The following HOXD9 variants were observed in gnomAD, a reference collection of about 807,000 sequenced individuals.
HOXD9 encodes the protein homeobox protein Hox-D9.
In HOXD9, 21 loss-of-function variants were observed where a neutral mutation model predicts 24.6. The ratio of observed to expected loss-of-function variants is 0.85; its 90% CI spans 0.61 to 1.23. HOXD9 has a LOEUF of 1.23. Ranked by LOEUF, HOXD9 falls within the 50% of genes most tolerant of loss-of-function variation. The pLI, the probability that HOXD9 is intolerant of heterozygous loss-of-function variation, is 0.00. For synonymous variants in HOXD9, 240 were observed against 226.4 expected (o/e 1.06, Z -0.54); for missense variants, 503 against 503.6 (o/e 1.00, Z 0.01).
chr2:176,124,179 G>A lies in HOXD9; in HGVS notation c.*4G>A, dbSNP rs375399643. On this transcript the variant is annotated 3_prime_UTR_variant, in exon 2 of 2. Transcript: ENST00000249499. ...GAAATGCCCCAAAGGAGACTGACCC[G>A]GCGCGGTGCTGGCGGGAGCGCTCAA... 2 of 1,601,784 alleles carry A rather than the reference G, an allele frequency of 1.2e-6. No individual in the cohort carries two copies. Among genetic ancestry groups the A allele is most frequent in the South Asian group, 2.2e-5 (2 of 90,282 alleles).
chr2:176,123,029 G>C lies in HOXD9; in HGVS notation c.261G>C (p.Pro87=), dbSNP rs749456717. Residue 87 remains proline, a synonymous_variant, in exon 1 of 2, where the codon CCG becomes CCC. Transcript: ENST00000249499. The surrounding 1 kb of genome is among the most constrained non-coding windows in gnomAD (Gnocchi z 4.2). ...ASWSAVPSQP[P]AAAAMSGLYH... ...GGTCCGCGGTGCCCTCCCAGCCCCC[G>C]GCAGCGGCGGCGATGAGCGGCCTCT... The C allele has an allele frequency of 5.7e-6, 9 of 1,586,786 alleles. No homozygotes were observed. The highest frequency in any genetic ancestry group is 7.7e-6 in the Non-Finnish European group (9 of 1,169,544).
In HOXD9 at chr2:176,123,011, G is replaced by C. The variant is rs946466099; in HGVS notation, c.243G>C (p.Ala81=). 6.3e-7 allele frequency: 1 copy of C among 1,591,796 alleles called. No individual in the cohort carries two copies. Among genetic ancestry groups the C allele is most frequent in the Non-Finnish European group, 8.5e-7 (1 of 1,171,632 alleles). The change falls in exon 1 of 2, where the codon GCG becomes GCC. Residue 81 remains alanine, a synonymous_variant. Transcript: ENST00000249499. This position sits in a 1 kb window ranked among gnomAD's most constrained non-coding sequence, Gnocchi z 4.2. ...RSAVFSASWS[A]VPSQPPAAAA... Reference sequence around the variant, plus strand: ...CCGTGTTCTCTGCCTCGTGGTCCGCGGTGCCCTCCCAGCCCCCGGCAGCGG... The same window carrying C: ...CCGTGTTCTCTGCCTCGTGGTCCGCCGTGCCCTCCCAGCCCCCGGCAGCGG...
rs1169113030 is a variant in HOXD9, at chr2:176,122,948, C to A, written c.180C>A (p.Ala60=). ...TGGCTGATGGCCCGGCCGCCACCGC[C>A]GCCGAGTTCGCCTCGTGTAGTTTTG... ...AGVADGPAAT[A]AEFASCSFAP... is the part of the protein sequence containing the mutation. Residue 60 remains alanine, a synonymous_variant, in exon 1 of 2, where the codon GCC becomes GCA. Transcript: ENST00000249499. 6.3e-7 allele frequency: 1 copy of A among 1,584,008 alleles called. No individual in the cohort carries two copies. Among genetic ancestry groups the A allele is most frequent in the Non-Finnish European group, 8.6e-7 (1 of 1,167,666 alleles).
chr2:176,122,764 G>C lies in HOXD9; in HGVS notation c.-5G>C. On this transcript the variant is annotated 5_prime_UTR_variant, in exon 1 of 2. Transcript: ENST00000249499. The stretch of plus-strand genomic sequence containing the variant: ...GCGGGGAGCTGCTCGGCGGCGGACA[G>C]TGTAATGTTGGGTGGGAGTGCGGGA... 6.7e-7 allele frequency: 1 copy of C among 1,501,812 alleles called. No homozygotes were observed. Among genetic ancestry groups the C allele is most frequent in the Non-Finnish European group, 8.9e-7 (1 of 1,129,290 alleles). The allele number at this position is 1,501,812 out of a possible 1,614,324, so 93.0% of individuals were successfully genotyped here.
At position 176,123,980 on chromosome 2, in the gene HOXD9, G is replaced by A. The variant is rs769740616; in HGVS notation, c.864G>A (p.Lys288=). The A allele has an allele frequency of 1.2e-6, 2 of 1,613,534 alleles. No homozygotes were observed. Among genetic ancestry groups the A allele is most frequent in the African/African-American group, 2.7e-5 (2 of 74,864 alleles). ...TCCACGCTCGCTCCACCCGGAAAAA[G>A]CGCTGTCCCTACACCAAATACCAGA... is the stretch of plus-strand genomic sequence containing the variant. The part of the protein sequence containing the change: ...NWIHARSTRK[K]RCPYTKYQTL... Residue 288 remains lysine, a synonymous_variant, in exon 2 of 2, where the codon AAG becomes AAA. Coordinates refer to ENST00000249499, the MANE Select transcript of HOXD9 (RefSeq NM_014213.4). The surrounding 1 kb of genome is among the most constrained non-coding windows in gnomAD (Gnocchi z 4.2).
Position 176,123,336 on chromosome 2 carries a change from C to T in HOXD9, c.568C>T (p.Arg190Trp). 1 of 1,550,442 alleles carries T rather than the reference C, an allele frequency of 6.4e-7. No individual in the cohort carries two copies. Residue 190 changes from arginine to tryptophan, a missense_variant, in exon 1 of 2, where the codon CGG (arginine) becomes TGG (tryptophan). By Grantham distance (101) the Arg-to-Trp change is moderately radical. Transcript: ENST00000249499. The surrounding 1 kb of genome is among the most constrained non-coding windows in gnomAD (Gnocchi z 4.2). ...CACTTCCTTATCCTCCTCCTCCAAA[C>T]GGACTGAGTGCTCCGTGGCCCGGGA... Reference protein sequence around the residue: ...SSTSLSSSSKRTECSVARESQ... With the variant: ...SSTSLSSSSKWTECSVARESQ...
Position 176,123,863 on chromosome 2 carries a change from C to T in HOXD9, c.818-71C>T, listed in dbSNP as rs921348889. ...TGAAATTAATTTAACGACCTCTCTT[C>T]CCCACCCTGTGGTCTCTCCCTGCCT... On this transcript the variant is annotated intron_variant, in intron 1 of 1. Coordinates refer to ENST00000249499, the MANE Select transcript of HOXD9 (RefSeq NM_014213.4). This position sits in a 1 kb window ranked among gnomAD's most constrained non-coding sequence, Gnocchi z 4.2. 7.5e-7 allele frequency: 1 copy of T among 1,325,754 alleles called. No homozygotes were observed. Among genetic ancestry groups the T allele is most frequent in the Non-Finnish European group, 1.1e-6 (1 of 951,796 alleles). 82.1% of individuals were successfully genotyped at this position (1,325,754 alleles called of 1,614,324 possible).
chr2:176,123,146 C>CCCGGGCGGT lies in HOXD9; in HGVS notation c.379_387dup (p.Pro127_Gly129dup), dbSNP rs1381956753. On this transcript the variant is annotated inframe_insertion, in exon 1 of 2. Transcript: ENST00000249499. The surrounding 1 kb of genome is among the most constrained non-coding windows in gnomAD (Gnocchi z 4.2). ...CCTGGATGGAGCCGCTGCCCGGCTTCCCGGGCGGTGCGGGCGGTGGCGGTG... is the reference window on the plus strand; with the variant it reads ...CCTGGATGGAGCCGCTGCCCGGCTTCCCGGGCGGTCCGGGCGGTGCGGGCGGTGGCGGTG... The CCCGGGCGGT allele has an allele frequency of 3.5e-6, 5 of 1,412,498 alleles. No homozygotes were observed. In the African/African-American group the frequency reaches 7.6e-5, roughly 21 times the overall value. The allele number at this position is 1,412,498 out of a possible 1,614,324, so 87.5% of individuals were successfully genotyped here. A position where few individuals can be genotyped will look rare whatever the true frequency, so the allele number is the denominator to read the frequency against.
At position 176,123,532 on chromosome 2, in the gene HOXD9, T is replaced by A; in HGVS notation, c.764T>A (p.Leu255Gln). 6.7e-7 allele frequency: 1 copy of A among 1,490,064 alleles called. No individual in the cohort carries two copies. The highest frequency in any genetic ancestry group is 8.9e-7 in the Non-Finnish European group (1 of 1,117,580). 92.3% of individuals were successfully genotyped at this position (1,490,064 alleles called of 1,614,324 possible). Residue 255 changes from leucine to glutamine, a missense_variant, in exon 1 of 2, where the codon CTG (leucine) becomes CAG (glutamine). By Grantham distance (113) the Leu-to-Gln change is moderately radical. Transcript: ENST00000249499. The surrounding 1 kb of genome is among the most constrained non-coding windows in gnomAD (Gnocchi z 4.2). ...GACCACCCGATCCCAGGCTGTTCGC[T>A]GAAGGAGGAGGAGAAGCAGCATTCG... is the stretch of plus-strand genomic sequence containing the variant. ...CSDHPIPGCS[L>Q]KEEEKQHSQP...
rs750269762 is a variant in HOXD9, at chr2:176,122,894, G to T, written c.126G>T (p.Gly42=). ...TCGCGGCGCGCTTCGGGCCGCCGGGGCCAGGCGCGCAGGGCCGGCCTGCAG... is the reference window on the plus strand; with the variant it reads ...TCGCGGCGCGCTTCGGGCCGCCGGGTCCAGGCGCGCAGGGCCGGCCTGCAG... ...EVFAARFGPP[G]PGAQGRPAGV... The change falls in exon 1 of 2, where the codon GGG becomes GGT. Residue 42 remains glycine (G), a synonymous_variant. Transcript: ENST00000249499. 1.4e-5 allele frequency: 22 copies of T among 1,591,454 alleles called. No homozygotes were observed. In the East Asian group the frequency reaches 2.3e-4, roughly 17 times the overall value.
Position 176,123,194 on chromosome 2 carries a change from C to T in HOXD9, c.426C>T (p.Gly142=). 1 of 1,372,902 alleles carries T rather than the reference C, an allele frequency of 7.3e-7. No individual in the cohort carries two copies. The highest frequency in any genetic ancestry group is 9.4e-7 in the Non-Finnish European group (1 of 1,063,712). The allele number at this position is 1,372,902 out of a possible 1,614,324, so 85.0% of individuals were successfully genotyped here. A position where few individuals can be genotyped will look rare whatever the true frequency, so the allele number is the denominator to read the frequency against. ...GTGGTGGTGGAGGCGGCGGTCCGGG[C>T]CGCGGTCCCAGCCCTGGCCCCAGCG... ...GGGGGGGGGP[G]RGPSPGPSGP... The change falls in exon 1 of 2, where the codon GGC becomes GGT. Residue 142 remains glycine (G), a synonymous_variant. Coordinates refer to ENST00000249499, the MANE Select transcript of HOXD9 (RefSeq NM_014213.4). The surrounding 1 kb of genome is among the most constrained non-coding windows in gnomAD (Gnocchi z 4.2).
Position 176,122,788 on chromosome 2 carries a change from G to C in HOXD9, c.20G>C (p.Gly7Ala), listed in dbSNP as rs186057872. The C allele has an allele frequency of 1.7e-3, 2,550 of 1,525,404 alleles. 53 individuals are homozygous for C. In the African/African-American group the frequency reaches 0.033, roughly 20 times the overall value. 94.5% of individuals were successfully genotyped at this position (1,525,404 alleles called of 1,614,324 possible). MLGGSA[G>A]RLKMSSSGTL... ...AGTGTAATGTTGGGTGGGAGTGCGG[G>C]ACGCCTCAAAATGTCTTCCAGTGGC... Residue 7 changes from glycine to alanine, a missense_variant, in exon 1 of 2, where the codon GGA becomes GCA. Gly to Ala is a moderately conservative substitution (Grantham distance 60, BLOSUM62 0). Transcript: ENST00000249499.
chr2:176,124,202 C>A lies in HOXD9; in HGVS notation c.*27C>A. 1 of 1,565,570 alleles carries A rather than the reference C, an allele frequency of 6.4e-7. No homozygotes were observed. The highest frequency in any genetic ancestry group is 1.2e-5 in the South Asian group (1 of 84,636). ...CCGGCGCGGTGCTGGCGGGAGCGCT[C>A]AAGGGCAGCGGATTTGTTGTTGTTG... On this transcript the variant is annotated 3_prime_UTR_variant, in exon 2 of 2. Transcript: ENST00000249499.
rs1689938730 is a variant in HOXD9, at chr2:176,124,411, C to G, written c.*236C>G. ...AAACCAAGTGGCTTTGGGGTTTCGC[C>G]CTATCCCACTCCCTCTCTTTCCTGC... On this transcript the variant is annotated 3_prime_UTR_variant, in exon 2 of 2. Coordinates refer to ENST00000249499, the MANE Select transcript of HOXD9 (RefSeq NM_014213.4). The G allele has an allele frequency of 2.3e-6, 1 of 428,108 alleles. No homozygotes were observed. Among genetic ancestry groups the G allele is most frequent in the African/African-American group, 2.0e-5 (1 of 49,356 alleles). The allele number at this position is 428,108 out of a possible 1,614,324, so 26.5% of individuals were successfully genotyped here. A position where few individuals can be genotyped will look rare whatever the true frequency, so the allele number is the denominator to read the frequency against.
In HOXD9 at chr2:176,124,230, G is replaced by C; in HGVS notation, c.*55G>C. ...GGGCAGCGGATTTGTTGTTGTTGCT[G>C]TTTTCCTTTGTGGGTGTTTGGTGCT... On this transcript the variant is annotated 3_prime_UTR_variant, in exon 2 of 2. Transcript: ENST00000249499. The C allele has an allele frequency of 1.3e-6, 2 of 1,521,924 alleles. No individual in the cohort carries two copies. The highest frequency in any genetic ancestry group is 1.8e-6 in the Non-Finnish European group (2 of 1,133,934). The allele number at this position is 1,521,924 out of a possible 1,614,324, so 94.3% of individuals were successfully genotyped here.
At position 176,124,291 on chromosome 2, in the gene HOXD9, TC is replaced by T. The variant is rs1553519226; in HGVS notation, c.*117del. ...AAACTCTCCAGCGACTTGGACTTCT[TC>T]TTCTTTTTTTTTTTCTTTTTAGATA... On this transcript the variant is annotated 3_prime_UTR_variant, in exon 2 of 2. Transcript: ENST00000249499. The T allele has an allele frequency of 1.8e-3, 2,507 of 1,383,218 alleles. 20 individuals carry two copies. The African/African-American group carries it at 0.031, about 17-fold the overall frequency. The allele number at this position is 1,383,218 out of a possible 1,614,324, so 85.7% of individuals were successfully genotyped here.
rs950458673 is a variant in HOXD9 at position 176,123,756 on chromosome 2, CAGTT to C, written c.818-174_818-171del. The stretch of plus-strand genomic sequence containing the variant: ...CCCATAACCACCTACCCTGGGCGCT[CAGTT>C]AGTACGGTAAACAGAGCGCGAGCAT... On this transcript the variant is annotated intron_variant, in intron 1 of 1. Transcript: ENST00000249499. This position sits in a 1 kb window ranked among gnomAD's most constrained non-coding sequence, Gnocchi z 4.2. 6.6e-6 allele frequency among the ~76,000 whole-genome samples: 1 copy of C among 152,206 alleles called. No homozygotes were observed. The highest frequency in any genetic ancestry group is 1.5e-5 in the Non-Finnish European group (1 of 68,028).
chr2:176,124,277 C>G lies in HOXD9; in HGVS notation c.*102C>G. ...TGCTTGATTTCCAGAAACTCTCCAG[C>G]GACTTGGACTTCTTCTTCTTTTTTT... On this transcript the variant is annotated 3_prime_UTR_variant, in exon 2 of 2. Transcript: ENST00000249499. 3 of 1,446,126 alleles carry G rather than the reference C, an allele frequency of 2.1e-6. No individual in the cohort carries two copies. The highest frequency in any genetic ancestry group is 2.7e-6 in the Non-Finnish European group (3 of 1,091,882). 89.6% of individuals were successfully genotyped at this position (1,446,126 alleles called of 1,614,324 possible).
Position 176,123,382 on chromosome 2 carries a change from C to T in HOXD9, c.614C>T (p.Pro205Leu). 2 of 1,552,720 alleles carry T rather than the reference C, an allele frequency of 1.3e-6. No homozygotes were observed. The highest frequency in any genetic ancestry group is 1.7e-6 in the Non-Finnish European group (2 of 1,148,328). ...CGGGAGTCCCAGGGGAGCAGCGGCC[C>T]CGAGTTCTCGTGCAACTCGTTCCTG... ...VARESQGSSG[P>L]EFSCNSFLQE... Residue 205 changes from proline (P) to leucine (L), a missense_variant, in exon 1 of 2, where the codon CCC (proline) becomes CTC (leucine). Pro to Leu is a moderately conservative substitution (Grantham distance 98, BLOSUM62 -3). Coordinates refer to ENST00000249499, the MANE Select transcript of HOXD9 (RefSeq NM_014213.4). This position sits in a 1 kb window ranked among gnomAD's most constrained non-coding sequence, Gnocchi z 4.2.
Sources: allele counts gnomAD v4.1 joint callset (sites outside exome capture counted in the v4.1 genomes callset), GRCh38; gene constraint gnomAD v4.1.1; non-coding constraint Gnocchi (gnomAD v3.1); transcripts MANE v1.5; gene names NCBI Gene and HGNC (gene_info 2026-07-23, HGNC 2026-07-21).